CHIT1: variants seen among roughly 807,000 people sequenced by gnomAD.
The protein encoded by CHIT1 is chitinase 1.
CHIT1 carries 47 observed loss-of-function variants against 52.0 expected under a neutral mutation model. The observed-to-expected ratio is 0.90, with a 90% CI of 0.71 to 1.15. The LOEUF (loss-of-function observed/expected upper bound fraction) is 1.15. Among genes scored for constraint, CHIT1 ranks in the 50% most tolerant of loss-of-function variants. CHIT1 has a pLI of 0.00. For synonymous variants in CHIT1, 242 were observed against 228.2 expected, an observed-to-expected ratio of 1.06 and a Z score of -0.54; for missense variants, 569 against 583.0, an observed-to-expected ratio of 0.98 and a Z score of 0.25.
In CHIT1 at chr1:203,223,261, T is replaced by C. The variant is rs760147105; in HGVS notation, c.481-2A>G. 14 of 1,614,156 alleles carry C rather than the reference T, an allele frequency of 8.7e-6. No homozygotes were observed. Among genetic ancestry groups the C allele is most frequent in the Non-Finnish European group, 1.2e-5 (14 of 1,180,024 alleles). Reference sequence around the variant, plus strand: ...CTGCTGGAAGGCATTGGCCAAGTCCTGTGGGAGTGGAGCTCAGAGTCAACA... The same window carrying C: ...CTGCTGGAAGGCATTGGCCAAGTCCCGTGGGAGTGGAGCTCAGAGTCAACA... On this transcript the variant is annotated splice_acceptor_variant, in intron 5 of 10. Transcript: ENST00000367229. LOFTEE classifies it high-confidence loss of function.
In CHIT1 at chr1:203,217,423, A is replaced by G. The variant is rs1383811534; in HGVS notation, c.1157-290T>C. 3.4e-6 allele frequency: 5 copies of G among 1,459,500 alleles called. No individual in the cohort carries two copies. In the East Asian group the frequency reaches 1.3e-4, roughly 39 times the overall value. 90.4% of individuals were successfully genotyped at this position (1,459,500 alleles called of 1,614,324 possible). ...AGGGCAGGTGGGGGTGCCACGCTGCAGGCTAAGGGGAGGCTTTCTCCCAGG... is the reference window on the plus strand; with the variant it reads ...AGGGCAGGTGGGGGTGCCACGCTGCGGGCTAAGGGGAGGCTTTCTCCCAGG... On this transcript the variant is annotated intron_variant, in intron 10 of 10. Transcript: ENST00000367229.
chr1:203,223,754 C>T (rs1224910551), intron 4 of CHIT1, 94 bp from the exon 5 acceptor site: 16 of 1,304,062 alleles, frequency 1.2e-5, no homozygotes, highest in Non-Finnish European at 1.6e-5. Flanking sequence ...CAGGACAGTG[C>T]GTCTCTGTGT....
chr1:203,226,260 T>G (rs974060117), intron 2 of CHIT1, among the ~76,000 whole-genome samples: 1 of 152,088 alleles, frequency 6.6e-6, no homozygotes, highest in Non-Finnish European at 1.5e-5. Context: ...AGTCTCAGAG[T>G]CCGAGCTCCC....
chr1:203,224,534 A>C (rs1656854984), intron 4 of CHIT1, among the ~76,000 whole-genome samples: 1 of 152,194 alleles, frequency 6.6e-6, no homozygotes, highest in Non-Finnish European at 1.5e-5. Flanking sequence ...TTTTCTAGAA[A>C]ACACCAAGTT....
At chr1:203,228,638 A>G in intron 1 of CHIT1, 76 bp from the exon 2 acceptor site, 1 of 1,504,192 alleles carries the variant, frequency 6.6e-7, no homozygotes, top group Non-Finnish European at 9.1e-7. Flanking sequence ...TTACGGAAGC[A>G]CAGGAGGTGG....
intron 1 of CHIT1, 119 bp downstream of exon 1, chr1:203,229,493 C>T (rs1437940441): frequency 8.7e-7 from 1 of 1,146,686 alleles, no homozygotes; most frequent in Non-Finnish European, 1.3e-6. Flanking sequence ...ATAAAATGAC[C>T]CTCTGAAGTT....
chr1:203,229,288 G>A lies in CHIT1; in HGVS notation c.25+324C>T, dbSNP rs538628725. 4.9e-3 allele frequency among the ~76,000 whole-genome samples: 743 copies of A among 152,290 alleles called. 5 individuals are homozygous for A. Among genetic ancestry groups the A allele is most frequent in the Non-Finnish European group, 6.3e-3 (428 of 68,022 alleles). On this transcript the variant is annotated intron_variant, in intron 1 of 10. Coordinates refer to ENST00000367229, the MANE Select transcript of CHIT1 (RefSeq NM_003465.3). ...CAACAGGAGGGACCTAAGAACATGG[G>A]AAAGACACAAAGACCCAGTGCAGGG... is the stretch of plus-strand genomic sequence containing the variant.
chr1:203,216,350 G>A lies in CHIT1; in HGVS notation c.*539C>T. ...AATGCTGAGTGGCTGCTCGCAGAGCGCTTAAATCAGGGAAAAGTTCTTCTC... is the reference window on the plus strand; with the variant it reads ...AATGCTGAGTGGCTGCTCGCAGAGCACTTAAATCAGGGAAAAGTTCTTCTC... On this transcript the variant is annotated 3_prime_UTR_variant, in exon 11 of 11. Coordinates refer to ENST00000367229, the MANE Select transcript of CHIT1 (RefSeq NM_003465.3). 8.8e-6 allele frequency: 4 copies of A among 454,070 alleles called. No individual in the cohort carries two copies. The highest frequency in any genetic ancestry group is 6.2e-5 in the South Asian group (4 of 64,478). The allele number at this position is 454,070 out of a possible 1,614,324, so 28.1% of individuals were successfully genotyped here.
rs1571851850 is a variant in CHIT1, at chr1:203,227,996, A to G, written c.55+537T>C. Among the ~76,000 whole-genome samples the G allele has an allele frequency of 2.0e-5, 3 of 152,312 alleles. No homozygotes were observed. In the South Asian group the frequency reaches 6.2e-4, roughly 32 times the overall value. Reference sequence around the variant, plus strand: ...GAGTTCAAGTTGCTGAAGGTCCCCCAGGTCTCTTTTCCATTTGACACAACA... The same window carrying G: ...GAGTTCAAGTTGCTGAAGGTCCCCCGGGTCTCTTTTCCATTTGACACAACA... On this transcript the variant is annotated intron_variant, in intron 2 of 10. Coordinates refer to ENST00000367229, the MANE Select transcript of CHIT1 (RefSeq NM_003465.3).
intron 9 of CHIT1, 61 bp downstream of exon 9, chr1:203,219,155 C>A: frequency 1.1e-6 from 1 of 870,264 alleles, no homozygotes; most frequent in Non-Finnish European, 2.0e-6. Flanking sequence ...GTCCTCATTC[C>A]ATGTCATTGA....
chr1:203,216,585 A>G lies in CHIT1; in HGVS notation c.*304T>C. The G allele has an allele frequency of 2.0e-6, 1 of 492,580 alleles. No homozygotes were observed. Among genetic ancestry groups the G allele is most frequent in the Middle Eastern group, 5.8e-4 (1 of 1,720 alleles). The allele number at this position is 492,580 out of a possible 1,614,324, so 30.5% of individuals were successfully genotyped here. A position where few individuals can be genotyped will look rare whatever the true frequency, so the allele number is the denominator to read the frequency against. On this transcript the variant is annotated 3_prime_UTR_variant, in exon 11 of 11. Transcript: ENST00000367229. ...GGGCCTGGCACATCCTGCACGGACC[A>G]CCTTCCCACCTGGCTCTGACCTGCG...
chr1:203,224,006 T>G (rs2486068), intron 4 of CHIT1, among the ~76,000 whole-genome samples: 27,260 of 152,016 alleles, frequency 0.18, 3,164 homozygotes, highest in East Asian at 0.55. Context: ...AGAATGGAGG[T>G]TTGAAAAGAA....
Position 203,223,666 on chromosome 1 carries a change from A to G in CHIT1, c.315-6T>C. 1 of 1,614,088 alleles carries G rather than the reference A, an allele frequency of 6.2e-7. No homozygotes were observed. The highest frequency in any genetic ancestry group is 8.5e-7 in the Non-Finnish European group (1 of 1,179,992). ...TGGCTACCATATCTGTGAACCTGTG[A>G]GGTGATGAAGGGGAGTAAGGGCCGG... On this transcript the variant is annotated splice_polypyrimidine_tract_variant and splice_region_variant and intron_variant, in intron 4 of 10. Transcript: ENST00000367229.
chr1:203,219,934 G>T, intron 7 of CHIT1, 85 bp from the exon 8 acceptor site: 1 of 1,501,808 alleles, frequency 6.7e-7, no homozygotes, highest in Non-Finnish European at 9.1e-7. Flanking sequence ...GGCAGAGCTA[G>T]GAGGGCAGGG....
chr1:203,216,849 G>A lies in CHIT1; in HGVS notation c.*40C>T. 1 of 1,612,894 alleles carries A rather than the reference G, an allele frequency of 6.2e-7. No individual in the cohort carries two copies. On this transcript the variant is annotated 3_prime_UTR_variant, in exon 11 of 11. Transcript: ENST00000367229. ...GGAGGCAGGCTGTAGAGTGATCCTG[G>A]GCCCAGCCTCAAAGCTGGGACTGGA...
chr1:203,224,936 T>TC, intron 4 of CHIT1, 112 bp downstream of exon 4: 1 of 991,314 alleles, frequency 1.0e-6, no homozygotes, highest in Non-Finnish European at 1.6e-6. Flanking sequence ...CCCTCCCCTT[T>TC]CCCCTGACCA....
At chr1:203,229,155 A>C (rs1261571091) in intron 1 of CHIT1, among the ~76,000 whole-genome samples, 1 of 152,160 alleles carries the variant, frequency 6.6e-6, no homozygotes, top group African/African-American at 2.4e-5. Flanking sequence ...ACCTCCATGA[A>C]AATTTGCAAG....
intron 7 of CHIT1, among the ~76,000 whole-genome samples, chr1:203,220,549 T>C (rs1378658490): frequency 6.6e-6 from 1 of 152,126 alleles, no homozygotes; most frequent in Non-Finnish European, 1.5e-5. Context: ...CGGGAGAAGG[T>C]ACCCGGTACA....
chr1:203,223,373 C>T (rs1656810493), intron 5 of CHIT1, 114 bp from the exon 6 acceptor site: 8 of 1,602,702 alleles, frequency 5.0e-6, no homozygotes, highest in Non-Finnish European at 6.8e-6. Context: ...CAGGGCTGAT[C>T]TGTGCCATGC....
Sources: gnomAD v4.1 joint callset for allele counts (sites outside exome capture counted in the v4.1 genomes callset) on GRCh38, gnomAD v4.1.1 for gene constraint, MANE v1.5 for transcripts, NCBI Gene and HGNC (gene_info 2026-07-23, HGNC 2026-07-21) for gene names.